PAAF1: variants seen among roughly 807,000 people sequenced by gnomAD.
PAAF1 encodes the protein proteasomal ATPase-associated factor 1.
Under a neutral mutation model 52.8 loss-of-function variants are expected in PAAF1, and 46 were observed. The ratio of observed to expected loss-of-function variants is 0.87; its 90% CI spans 0.69 to 1.11. The LOEUF (loss-of-function observed/expected upper bound fraction) is 1.11. PAAF1 is among the 50% of genes most tolerant of loss of function. The pLI, the probability that PAAF1 is intolerant of heterozygous loss-of-function variation, is 0.00. For synonymous variants in PAAF1, 178 were observed against 172.8 expected, an observed-to-expected ratio of 1.03 and a Z score of -0.24; for missense variants, 424 against 477.4, an observed-to-expected ratio of 0.89 and a Z score of 1.04.
chr11:73,891,836 C>T (rs539646849), intron 4 of PAAF1, among the ~76,000 whole-genome samples: 2 of 152,198 alleles, frequency 1.3e-5, no homozygotes, highest in South Asian at 4.2e-4. Context: ...ATATTTTATT[C>T]CTTTTCCTAT....
chr11:73,908,345 A>G (rs941226424), intron 6 of PAAF1, among the ~76,000 whole-genome samples: 5 of 146,010 alleles, frequency 3.4e-5, no homozygotes, highest in African/African-American at 5.1e-5. Context: ...ATGTGTATAT[A>G]TGTGTATATA....
chr11:73,883,108 C>G (rs1004643536), intron 2 of PAAF1, among the ~76,000 whole-genome samples: 2 of 151,958 alleles, frequency 1.3e-5, no homozygotes, highest in African/African-American at 2.4e-5. Context: ...ACTATGTTGC[C>G]CAGGCTGGTC....
intron 2 of PAAF1, among the ~76,000 whole-genome samples, chr11:73,886,278 A>T (rs1420039524): frequency 2.6e-5 from 4 of 152,220 alleles, no homozygotes; most frequent in Non-Finnish European, 4.4e-5. Flanking sequence ...GAAGAATTAC[A>T]TTTCACAGCC....
At chr11:73,926,333 C>G (rs1338141026) in intron 11 of PAAF1, among the ~76,000 whole-genome samples, 1 of 152,088 alleles carries the variant, frequency 6.6e-6, no homozygotes, top group South Asian at 2.1e-4. Context: ...CTTGAACTCC[C>G]GACTGAGGCC....
chr11:73,912,522 C>T (rs1949960671), intron 7 of PAAF1, among the ~76,000 whole-genome samples: 1 of 152,118 alleles, frequency 6.6e-6, no homozygotes. Flanking sequence ...CCTCTCCCTC[C>T]CCCTCTCTCC....
At chr11:73,888,172 C>T (rs955489438) in intron 3 of PAAF1, among the ~76,000 whole-genome samples, 4 of 152,114 alleles carry the variant, frequency 2.6e-5, no homozygotes, top group Non-Finnish European at 4.4e-5. Context: ...GTCTTCAAAA[C>T]TCCATGTATA....
Position 73,900,300 on chromosome 11 carries a change from A to T in PAAF1, c.412A>T (p.Asn138Tyr). 1 of 1,611,210 alleles carries T rather than the reference A, an allele frequency of 6.2e-7. No homozygotes were observed. The highest frequency in any genetic ancestry group is 8.5e-7 in the Non-Finnish European group (1 of 1,178,378). The change falls in exon 6 of 12, where the codon AAT becomes TAT. Residue 138 changes from asparagine (N) to tyrosine (Y), a missense_variant. Asn to Tyr is a moderately radical substitution (Grantham distance 143, BLOSUM62 -2). Coordinates refer to ENST00000310571, the MANE Select transcript of PAAF1 (RefSeq NM_025155.3). ...RVLEGHVFDVNCCRFFPSGLV... is the reference protein window; with the variant it reads ...RVLEGHVFDVYCCRFFPSGLV... ...ATTGGAAGGACATGTGTTTGATGTG[A>T]ATTGTTGCAGGTTTTTCCCATCAGG...
chr11:73,918,309 G>A (rs1385456445), intron 9 of PAAF1, among the ~76,000 whole-genome samples: 2 of 148,042 alleles, frequency 1.4e-5, no homozygotes, highest in East Asian at 2.0e-4. Flanking sequence ...TCCAGTAGAT[G>A]GTGACTAGCT....
chr11:73,908,365 A>G (rs1949829067), intron 6 of PAAF1, among the ~76,000 whole-genome samples: 1 of 139,382 alleles, frequency 7.2e-6, no homozygotes, highest in African/African-American at 2.9e-5. Context: ...ATGTGTGTAT[A>G]TATATATGTA....
In PAAF1 at chr11:73,887,427, A is replaced by C. The variant is rs565384199; in HGVS notation, c.162A>C (p.Ser54=). ...GLDGIPEVTA[S]EGFTVNEINK... is the part of the protein sequence containing the mutation. The stretch of plus-strand genomic sequence containing the variant: ...ATGGCATCCCAGAGGTTACAGCTTC[A>C]GAAGGATTTACTGTGAATGAAATAA... The change falls in exon 3 of 12, where the codon TCA becomes TCC. Residue 54 remains serine (S), a synonymous_variant. Coordinates refer to ENST00000310571, the MANE Select transcript of PAAF1 (RefSeq NM_025155.3). The C allele has an allele frequency of 6.2e-7, 1 of 1,608,836 alleles. No homozygotes were observed. Among genetic ancestry groups the C allele is most frequent in the Admixed American group, 1.7e-5 (1 of 58,578 alleles).
At chr11:73,876,885 G>A, upstream of PAAF1, 1 of 869,114 alleles carries the variant, frequency 1.2e-6, no homozygotes, top group Non-Finnish European at 1.7e-6. Context: ...ACACGGAAGG[G>A]GCGGGGAATG....
chr11:73,878,405 T>A (rs1025082139), intron 1 of PAAF1, among the ~76,000 whole-genome samples: 18 of 152,308 alleles, frequency 1.2e-4, no homozygotes, highest in African/African-American at 4.3e-4. Flanking sequence ...GCTAAAATAA[T>A]AAAAGGAATC....
At chr11:73,882,854 C>T (rs1254829386) in intron 2 of PAAF1, among the ~76,000 whole-genome samples, 1 of 151,776 alleles carries the variant, frequency 6.6e-6, no homozygotes, top group Non-Finnish European at 1.5e-5. Flanking sequence ...CCGCCCACCT[C>T]GGCCTCCCAA....
rs974267738 is a variant in PAAF1, at chr11:73,929,897, A to AAATACAG, written c.*2539_*2545dup. 4 of 152,202 alleles carry AAATACAG rather than the reference A, an allele frequency of 2.6e-5. No homozygotes were observed. Among genetic ancestry groups the AAATACAG allele is most frequent in the African/African-American group, 9.7e-5 (4 of 41,418 alleles). The allele number at this position is 152,202 out of a possible 1,614,324, so 9.4% of individuals were successfully genotyped here. ...CATGGAGAAACCCCGTCTCTACTAA[A>AAATACAG]AATACAGAATTAGCCGGGCATGATG... On this transcript the variant is annotated 3_prime_UTR_variant, in exon 12 of 12. Coordinates refer to ENST00000310571, the MANE Select transcript of PAAF1 (RefSeq NM_025155.3).
intron 2 of PAAF1, chr11:73,880,773 C>G (rs78002088): frequency 7.0e-6 from 1 of 142,406 alleles, no homozygotes. Flanking sequence ...CTGTGGCGGG[C>G]GGATCACCTG....
Position 73,916,537 on chromosome 11 carries a change from G to A in PAAF1, c.820-8G>A, listed in dbSNP as rs1175883919. On this transcript the variant is annotated splice_polypyrimidine_tract_variant and splice_region_variant and intron_variant, in intron 8 of 11. Transcript: ENST00000310571. The stretch of plus-strand genomic sequence containing the variant: ...TAAACAGCATTTTTGCCTCCTACTT[G>A]TTCCCAGGTGTTCCTCTTTATTGGC... 5.0e-6 allele frequency: 8 copies of A among 1,595,228 alleles called. No homozygotes were observed. The highest frequency in any genetic ancestry group is 6.9e-6 in the Non-Finnish European group (8 of 1,167,206).
intron 7 of PAAF1, among the ~76,000 whole-genome samples, chr11:73,911,857 C>T (rs957567522): frequency 5.9e-5 from 9 of 152,016 alleles, no homozygotes; most frequent in African/African-American, 2.2e-4. Flanking sequence ...TGGTCATGAA[C>T]TTCTGGCCTC....
chr11:73,881,883 T>A (rs535922082), intron 2 of PAAF1, among the ~76,000 whole-genome samples: 41 of 146,692 alleles, frequency 2.8e-4, no homozygotes, highest in Middle Eastern at 3.4e-3. Flanking sequence ...ATTTTTTGTA[T>A]TTTTTTTTGA....
intron 4 of PAAF1, among the ~76,000 whole-genome samples, chr11:73,897,003 A>G (rs1591069886): frequency 6.3e-5 from 7 of 111,650 alleles, no homozygotes; most frequent in Admixed American, 9.2e-5. Context: ...TCCCTCCTGG[A>G]CGGGGCGGCT....
Sources: allele counts gnomAD v4.1 joint callset (sites outside exome capture counted in the v4.1 genomes callset), GRCh38; gene constraint gnomAD v4.1.1; transcripts MANE v1.5; gene names NCBI Gene and HGNC (gene_info 2026-07-23, HGNC 2026-07-21).